Variants in ADGRB3 observed in about 807,000 individuals in gnomAD.
ADGRB3 encodes adhesion G protein-coupled receptor B3, also known as brain-specific angiogenesis inhibitor 3.
ADGRB3 carries 37 observed loss-of-function variants against 193.4 expected under a neutral mutation model. The ratio of observed to expected loss-of-function variants is 0.19; its 90% CI spans 0.15 to 0.25. The LOEUF (loss-of-function observed/expected upper bound fraction) is 0.25. ADGRB3 is among the 10% of genes least tolerant of loss of function. The probability of loss-of-function intolerance (pLI) is 1.00; values close to 1 mark genes in which losing one functional copy is unlikely to be tolerated. For synonymous variants in ADGRB3, 690 were observed against 644.2 expected (o/e 1.07, Z -1.08); for missense variants, 1,637 against 1,852.9 (o/e 0.88, Z 2.14).
In ADGRB3 at chr6:68,787,301, C is replaced by T. The variant is rs1043985673; in HGVS notation, c.758-143258C>T. Among the ~76,000 whole-genome samples, 9 of 151,902 alleles carry T rather than the reference C, an allele frequency of 5.9e-5. No homozygotes were observed. In the South Asian group the frequency reaches 6.2e-4, roughly 11 times the overall value. Reference sequence around the variant, plus strand: ...TATTGGCTGTGGGTTTGTCATAGATCGCTCTTATTATTTTGAGATACATCT... The same window carrying T: ...TATTGGCTGTGGGTTTGTCATAGATTGCTCTTATTATTTTGAGATACATCT... On this transcript the variant is annotated intron_variant, in intron 3 of 31. Transcript: ENST00000370598.
intron 3 of ADGRB3, among the ~76,000 whole-genome samples, chr6:68,676,715 T>G (rs1428832057): frequency 6.6e-6 from 1 of 152,160 alleles, no homozygotes; most frequent in Non-Finnish European, 1.5e-5. Flanking sequence ...TCATAGCTCT[T>G]TGTAGAGTGC....
chr6:69,020,604 A>C (rs146914278), intron 13 of ADGRB3, among the ~76,000 whole-genome samples: 1 of 152,156 alleles, frequency 6.6e-6, no homozygotes, highest in East Asian at 1.9e-4. Flanking sequence ...ATCATCCTAT[A>C]TCATTGTCCA....
At chr6:69,106,125 C>T (rs552034955) in intron 17 of ADGRB3, among the ~76,000 whole-genome samples, 144 of 132,910 alleles carry the variant, frequency 1.1e-3, no homozygotes, top group African/African-American at 4.1e-3. Flanking sequence ...TGCCACTGCA[C>T]TCCAGCCTGG....
chr6:69,322,700 T>C (rs1235791596), intron 20 of ADGRB3, among the ~76,000 whole-genome samples: 1 of 151,960 alleles, frequency 6.6e-6, no homozygotes, highest in Non-Finnish European at 1.5e-5. Context: ...CTCCTTTTTT[T>C]CTATTTTTCA....
chr6:69,372,371 GT>G, intron 29 of ADGRB3, 34 bp from the exon 30 acceptor site: 4 of 1,228,838 alleles, frequency 3.3e-6, no homozygotes, highest in African/African-American at 1.6e-5. Flanking sequence ...AACTTTATTG[GT>G]TTTTCTCCTT....
At chr6:69,197,994 A>G (rs1428393669) in intron 17 of ADGRB3, among the ~76,000 whole-genome samples, 1 of 151,874 alleles carries the variant, frequency 6.6e-6, no homozygotes, top group African/African-American at 2.4e-5. Context: ...ATCTTTTCAT[A>G]CTATTTGATT....
chr6:68,757,822 G>A (rs1766325323), intron 3 of ADGRB3, among the ~76,000 whole-genome samples: 3 of 152,004 alleles, frequency 2.0e-5, no homozygotes, highest in African/African-American at 7.2e-5. Flanking sequence ...TTGCAGCCTG[G>A]CTTCTATAGT....
chr6:68,837,586 A>G (rs1768069927), intron 3 of ADGRB3, among the ~76,000 whole-genome samples: 2 of 152,244 alleles, frequency 1.3e-5, no homozygotes, highest in African/African-American at 4.8e-5. Flanking sequence ...CTCTTTTTAA[A>G]GACTTGAAAT....
At chr6:68,874,975 A>C (rs2150221581) in intron 3 of ADGRB3, among the ~76,000 whole-genome samples, 1 of 152,264 alleles carries the variant, frequency 6.6e-6, no homozygotes, top group South Asian at 2.1e-4. Flanking sequence ...TCAATGCCTT[A>C]ATGACAATCC....
chr6:69,118,730 A>C (rs1481165802), intron 17 of ADGRB3, among the ~76,000 whole-genome samples: 1 of 129,996 alleles, frequency 7.7e-6, no homozygotes, highest in African/African-American at 2.6e-5. Context: ...GAAACATAAA[A>C]AGAAGCCACT....
intron 3 of ADGRB3, among the ~76,000 whole-genome samples, chr6:68,845,257 T>A (rs1211119536): frequency 6.6e-6 from 1 of 152,038 alleles, no homozygotes; most frequent in African/African-American, 2.4e-5. Flanking sequence ...TGATAAAAAT[T>A]AAAAAGAAAG....
Position 69,008,770 on chromosome 6 carries a change from G to T in ADGRB3, c.1930-5268G>T, listed in dbSNP as rs115543516. 7.8e-3 allele frequency among the ~76,000 whole-genome samples: 1,186 copies of T among 152,242 alleles called. 13 individuals are homozygous for T. Among genetic ancestry groups the T allele is most frequent in the African/African-American group, 0.027 (1,111 of 41,548 alleles). ...GGTTGAATATCCACAGCTGCTTCCT[G>T]TAGTCCTACAACTTCTCAAAAGTAT... On this transcript the variant is annotated intron_variant, in intron 11 of 31. Transcript: ENST00000370598.
At chr6:68,688,684 C>T (rs919983965) in intron 3 of ADGRB3, among the ~76,000 whole-genome samples, 6 of 152,060 alleles carry the variant, frequency 3.9e-5, no homozygotes, top group Non-Finnish European at 7.4e-5. Context: ...ATCATGTAAA[C>T]ATATTTATTA....
intron 3 of ADGRB3, among the ~76,000 whole-genome samples, chr6:68,814,383 C>T (rs1767582025): frequency 1.3e-5 from 2 of 152,128 alleles, no homozygotes; most frequent in Admixed American, 1.3e-4. Flanking sequence ...TCATATCCTT[C>T]ACCCACTTTT....
intron 17 of ADGRB3, among the ~76,000 whole-genome samples, chr6:69,201,807 A>G (rs951326316): frequency 1.3e-5 from 2 of 152,058 alleles, no homozygotes; most frequent in African/African-American, 2.4e-5. Context: ...GACTATTTCA[A>G]CTACCTCCAG....
At chr6:69,274,699 CAG>C (rs995404470) in intron 20 of ADGRB3, among the ~76,000 whole-genome samples, 7 of 139,398 alleles carry the variant, frequency 5.0e-5, no homozygotes, top group African/African-American at 1.9e-4. Flanking sequence ...CCAGTGAAAA[CAG>C]AAAGTTAAGT....
At chr6:69,273,770 G>A (rs556256847) in intron 20 of ADGRB3, among the ~76,000 whole-genome samples, 1 of 152,332 alleles carries the variant, frequency 6.6e-6, no homozygotes, top group African/African-American at 2.4e-5. Context: ...GATGCAATGT[G>A]GTTCTACTGC....
intron 3 of ADGRB3, among the ~76,000 whole-genome samples, chr6:68,871,644 A>G (rs1582271540): frequency 6.6e-6 from 1 of 152,164 alleles, no homozygotes; most frequent in African/African-American, 2.4e-5. Flanking sequence ...CCAACTAGGA[A>G]GCTCTCTTTC....
chr6:69,011,845 C>T (rs1202015338), intron 11 of ADGRB3, among the ~76,000 whole-genome samples: 2 of 151,970 alleles, frequency 1.3e-5, no homozygotes, highest in African/African-American at 4.8e-5. Context: ...CACTGTGCCC[C>T]TACATGGATT....
Sources: allele counts gnomAD v4.1 joint callset (sites outside exome capture counted in the v4.1 genomes callset), GRCh38; gene constraint gnomAD v4.1.1; transcripts MANE v1.5; gene names NCBI Gene and HGNC (gene_info 2026-07-23, HGNC 2026-07-21).